PLCXD3: variants seen among roughly 807,000 people sequenced by gnomAD.
The protein encoded by PLCXD3 is phosphatidylinositol specific phospholipase C X domain containing 3, also known as PI-PLC X domain-containing protein 3.
A neutral mutation model predicts 25.5 loss-of-function variants in PLCXD3; 19 were observed. That is an observed-to-expected ratio of 0.75 (90% confidence interval 0.52 to 1.09). PLCXD3 has a LOEUF of 1.09. Ranked by LOEUF, PLCXD3 falls within the 50% of genes least tolerant of loss-of-function variation. PLCXD3 has a pLI of 0.00. For synonymous variants in PLCXD3, 174 were observed against 137.6 expected (o/e 1.26, Z -1.85); for missense variants, 411 against 388.1 (o/e 1.06, Z -0.50).
chr5:41,426,838 G>C (rs1012593700), intron 1 of PLCXD3, among the ~76,000 whole-genome samples: 1 of 151,988 alleles, frequency 6.6e-6, no homozygotes, highest in Admixed American at 6.6e-5. Context: ...AGTTCTCTCA[G>C]TTTTTATTTT....
At chr5:41,405,434 C>T (rs1004839005) in intron 1 of PLCXD3, among the ~76,000 whole-genome samples, 2 of 152,116 alleles carry the variant, frequency 1.3e-5, no homozygotes, top group African/African-American at 2.4e-5. Context: ...ACCCCTCCTC[C>T]TATCAAGTAA....
In PLCXD3 at chr5:41,331,137, G is replaced by A. The variant is rs541540108; in HGVS notation, c.813-17367C>T. The stretch of plus-strand genomic sequence containing the variant: ...AAGGAAATCAAGGGTATTCGATTAG[G>A]AAAAGAGGAAGCCAAATTGTCCCTG... On this transcript the variant is annotated intron_variant, in intron 2 of 2. Transcript: ENST00000377801. Among the ~76,000 whole-genome samples, 705 of 152,252 alleles carry A rather than the reference G, an allele frequency of 4.6e-3. 1 individual carries two copies. Among genetic ancestry groups the A allele is most frequent in the Non-Finnish European group, 7.4e-3 (503 of 68,024 alleles).
At chr5:41,368,537 T>G (rs1009696383) in intron 2 of PLCXD3, among the ~76,000 whole-genome samples, 1 of 152,178 alleles carries the variant, frequency 6.6e-6, no homozygotes, top group African/African-American at 2.4e-5. Context: ...TTCTTTCTCT[T>G]GCCTGGTTGC....
chr5:41,457,226 C>T (rs1747773217), intron 1 of PLCXD3, among the ~76,000 whole-genome samples: 1 of 151,966 alleles, frequency 6.6e-6, no homozygotes, highest in African/African-American at 2.4e-5. Context: ...TCATATCAGA[C>T]AGCCACTGGA....
intron 2 of PLCXD3, among the ~76,000 whole-genome samples, chr5:41,335,713 A>G (rs1743960095): frequency 6.6e-6 from 1 of 152,106 alleles, no homozygotes; most frequent in Non-Finnish European, 1.5e-5. Flanking sequence ...TTTATTGAGT[A>G]CCCATCATGT....
intron 1 of PLCXD3, among the ~76,000 whole-genome samples, chr5:41,431,841 G>A (rs1747116589): frequency 6.6e-6 from 1 of 152,150 alleles, no homozygotes; most frequent in Non-Finnish European, 1.5e-5. Flanking sequence ...TTTTAGAAAT[G>A]TAGGAGGGGA....
chr5:41,404,408 A>T (rs879825926), intron 1 of PLCXD3, among the ~76,000 whole-genome samples: 2 of 148,818 alleles, frequency 1.3e-5, no homozygotes, highest in African/African-American at 5.1e-5. Context: ...CCTGAGAATT[A>T]AAAAAAAAAT....
chr5:41,330,805 A>C (rs564339962), intron 2 of PLCXD3, among the ~76,000 whole-genome samples: 85 of 152,314 alleles, frequency 5.6e-4, no homozygotes, highest in Middle Eastern at 3.4e-3. Flanking sequence ...GCAAATCAAT[A>C]AATGTAATCC....
At chr5:41,486,885 T>C (rs554774937) in intron 1 of PLCXD3, among the ~76,000 whole-genome samples, 9 of 152,292 alleles carry the variant, frequency 5.9e-5, no homozygotes, top group African/African-American at 1.7e-4. Flanking sequence ...CCTGGAGCTA[T>C]TGTAAGTAGC....
At chr5:41,392,935 T>C (rs561188205) in intron 1 of PLCXD3, among the ~76,000 whole-genome samples, 1 of 152,238 alleles carries the variant, frequency 6.6e-6, no homozygotes, top group East Asian at 1.9e-4. Flanking sequence ...AAAGAATGCA[T>C]CGGGATCCTT....
chr5:41,370,610 G>T (rs760507591), intron 2 of PLCXD3, among the ~76,000 whole-genome samples: 1 of 151,996 alleles, frequency 6.6e-6, no homozygotes, highest in East Asian at 1.9e-4. Flanking sequence ...CACCTCACTC[G>T]ACTAGCCATT....
intron 2 of PLCXD3, among the ~76,000 whole-genome samples, chr5:41,320,042 C>T (rs374724849): frequency 6.6e-6 from 1 of 151,916 alleles, no homozygotes; most frequent in Non-Finnish European, 1.5e-5. Flanking sequence ...TACAACCTAC[C>T]AAGATTGAAC....
intron 1 of PLCXD3, among the ~76,000 whole-genome samples, chr5:41,431,235 A>G (rs1747092451): frequency 6.6e-6 from 1 of 152,222 alleles, no homozygotes; most frequent in South Asian, 2.1e-4. Flanking sequence ...TGTTTAATTA[A>G]AAAGTGGTTA....
At chr5:41,367,615 CT>C (rs1323030602) in intron 2 of PLCXD3, among the ~76,000 whole-genome samples, 2 of 152,086 alleles carry the variant, frequency 1.3e-5, no homozygotes, top group Non-Finnish European at 2.9e-5. Context: ...CTGATAGTTT[CT>C]TTTGCTGTGC....
chr5:41,377,446 G>A (rs925783619), intron 2 of PLCXD3, among the ~76,000 whole-genome samples: 3 of 151,952 alleles, frequency 2.0e-5, no homozygotes, highest in Admixed American at 2.0e-4. Context: ...TAGTATGACT[G>A]CATTTTTTAA....
At chr5:41,335,823 G>A (rs1202020114) in intron 2 of PLCXD3, among the ~76,000 whole-genome samples, 2 of 152,092 alleles carry the variant, frequency 1.3e-5, no homozygotes, top group Non-Finnish European at 2.9e-5. Context: ...GACAGAAATT[G>A]CTGAATTGCT....
intron 1 of PLCXD3, among the ~76,000 whole-genome samples, chr5:41,454,341 C>T (rs779685724): frequency 1.3e-5 from 2 of 151,900 alleles, no homozygotes; most frequent in Non-Finnish European, 2.9e-5. Flanking sequence ...GTTCTTGAGG[C>T]TGGGTTGCCT....
At chr5:41,364,169 G>C (rs1279362835) in intron 2 of PLCXD3, among the ~76,000 whole-genome samples, 1 of 152,122 alleles carries the variant, frequency 6.6e-6, no homozygotes, top group East Asian at 1.9e-4. Flanking sequence ...GAATCCAGTG[G>C]GTAGAGGCCA....
chr5:41,484,604 T>C (rs1748479244), intron 1 of PLCXD3, among the ~76,000 whole-genome samples: 1 of 152,154 alleles, frequency 6.6e-6, no homozygotes, highest in African/African-American at 2.4e-5. Context: ...ATATTGCTCA[T>C]AAAATTTTAA....
Sources: allele counts gnomAD v4.1 joint callset (sites outside exome capture counted in the v4.1 genomes callset), GRCh38; gene constraint gnomAD v4.1.1; transcripts MANE v1.5; gene names NCBI Gene and HGNC (gene_info 2026-07-23, HGNC 2026-07-21).